The following ROBO1 variants were observed in gnomAD, a reference collection of about 807,000 sequenced individuals.
ROBO1 encodes the protein roundabout guidance receptor 1.
A neutral mutation model predicts 195.9 loss-of-function variants in ROBO1; 149 were observed. That is an observed-to-expected ratio of 0.76 (90% CI 0.67 to 0.87). The LOEUF (loss-of-function observed/expected upper bound fraction) is 0.87. ROBO1 is among the 40% of genes least tolerant of loss of function. The probability of loss-of-function intolerance (pLI) is 0.00; values close to 1 mark genes in which losing one functional copy is unlikely to be tolerated. For synonymous variants in ROBO1, 816 were observed against 733.2 expected, an observed-to-expected ratio of 1.11 and a Z score of -1.82; for missense variants, 1,933 against 2,068.3, an observed-to-expected ratio of 0.93 and a Z score of 1.27.
intron 4 of ROBO1, among the ~76,000 whole-genome samples, chr3:78,903,777 C>A (rs2037729372): frequency 6.6e-6 from 1 of 152,092 alleles, no homozygotes; most frequent in African/African-American, 2.4e-5. Flanking sequence ...CAATTCCATT[C>A]TTTTCTATAT....
chr3:79,663,285 G>A (rs755349734), intron 1 of ROBO1, among the ~76,000 whole-genome samples: 1 of 151,824 alleles, frequency 6.6e-6, no homozygotes. Flanking sequence ...ACAAAAAAAT[G>A]CAATGGTATA....
Position 78,614,680 on chromosome 3 carries a change from G to T in ROBO1, c.4403C>A (p.Pro1468Gln). 1 of 1,613,714 alleles carries T rather than the reference G, an allele frequency of 6.2e-7. No homozygotes were observed. The highest frequency in any genetic ancestry group is 1.1e-5 in the South Asian group (1 of 91,068). ...GTAGGTTTCTCTGCGCAGATGTCCT[G>T]GCTGGTGTTTCAGTTTCTTGGCTGG... ...TRPAKKLKHQPGHLRRETYTD... is the reference protein window; with the variant it reads ...TRPAKKLKHQQGHLRRETYTD... Residue 1468 changes from proline (P) to glutamine (Q), a missense_variant, in exon 28 of 31, where the codon CCA becomes CAA. By Grantham distance (76) the Pro-to-Gln change is moderately conservative. Transcript: ENST00000464233.
intron 4 of ROBO1, among the ~76,000 whole-genome samples, chr3:78,791,287 T>C (rs376700649): frequency 7.2e-5 from 11 of 152,282 alleles, no homozygotes; most frequent in South Asian, 2.1e-4. Context: ...TCTAAGATCC[T>C]CCTCTCTCCT....
intron 3 of ROBO1, among the ~76,000 whole-genome samples, chr3:78,971,484 C>T (rs2076765159): frequency 6.6e-6 from 1 of 152,048 alleles, no homozygotes; most frequent in Non-Finnish European, 1.5e-5. Flanking sequence ...CAGACTATAA[C>T]CTAAAAAAAT....
At chr3:78,782,663 C>A (rs940942154) in intron 4 of ROBO1, among the ~76,000 whole-genome samples, 13 of 152,132 alleles carry the variant, frequency 8.5e-5, no homozygotes, top group African/African-American at 3.1e-4. Context: ...TCTATAAACA[C>A]CACTGTTTTT....
intron 8 of ROBO1, among the ~76,000 whole-genome samples, chr3:78,694,379 G>A (rs2081241367): frequency 6.6e-6 from 1 of 152,098 alleles, no homozygotes; most frequent in Non-Finnish European, 1.5e-5. Flanking sequence ...TTAAATAAAT[G>A]CTAAAGAATG....
intron 2 of ROBO1, among the ~76,000 whole-genome samples, chr3:79,394,900 AAC>A (rs1037766300): frequency 2.0e-5 from 3 of 152,126 alleles, no homozygotes; most frequent in African/African-American, 4.8e-5. Context: ...TTATTAGGGT[AAC>A]ACACATAAAA....
chr3:79,203,495 C>T (rs1228722662), intron 2 of ROBO1, among the ~76,000 whole-genome samples: 1 of 152,132 alleles, frequency 6.6e-6, no homozygotes, highest in African/African-American at 2.4e-5. Flanking sequence ...TTTATGGAGT[C>T]AAGTGGGTTG....
At chr3:78,964,235 T>C (rs912486728) in intron 3 of ROBO1, among the ~76,000 whole-genome samples, 1 of 152,162 alleles carries the variant, frequency 6.6e-6, no homozygotes, top group Non-Finnish European at 1.5e-5. Context: ...TCACCTTATC[T>C]CTAGCATTTG....
At chr3:79,520,172 A>AAG (rs573671859) in intron 2 of ROBO1, among the ~76,000 whole-genome samples, 32 of 149,394 alleles carry the variant, frequency 2.1e-4, no homozygotes, top group African/African-American at 6.3e-4. Context: ...AAAAAAAAAA[A>AAG]AGAGAGAGAG....
In ROBO1 at chr3:78,669,659, T is replaced by C. The variant is rs148269074; in HGVS notation, c.1548+437A>G. ...TGTGTACATTGCTTTATGGCTTTTGTTTGCATGTATAGTTTTGCCATTGCA... is the reference window on the plus strand; with the variant it reads ...TGTGTACATTGCTTTATGGCTTTTGCTTGCATGTATAGTTTTGCCATTGCA... On this transcript the variant is annotated intron_variant, in intron 11 of 30. Coordinates refer to ENST00000464233, the MANE Select transcript of ROBO1 (RefSeq NM_002941.4). Among the ~76,000 whole-genome samples the C allele has an allele frequency of 4.7e-3, 713 of 152,324 alleles. 9 individuals are homozygous for C. Among genetic ancestry groups the C allele is most frequent in the African/African-American group, 0.015 (625 of 41,566 alleles).
intron 2 of ROBO1, among the ~76,000 whole-genome samples, chr3:79,298,753 T>C (rs1221324079): frequency 6.6e-6 from 1 of 152,132 alleles, no homozygotes; most frequent in Non-Finnish European, 1.5e-5. Flanking sequence ...TGTAAACAGA[T>C]ACTCAATTAT....
intron 1 of ROBO1, among the ~76,000 whole-genome samples, chr3:79,732,084 T>C (rs990606916): frequency 6.6e-6 from 1 of 152,070 alleles, no homozygotes; most frequent in African/African-American, 2.4e-5. Context: ...CCTCTAGGTT[T>C]GTGTATACAA....
chr3:78,970,376 T>C (rs1576489162), intron 3 of ROBO1, among the ~76,000 whole-genome samples: 1 of 152,124 alleles, frequency 6.6e-6, no homozygotes, highest in East Asian at 1.9e-4. Context: ...AATTTCTGAT[T>C]TAGAATAATA....
chr3:78,797,670 T>C (rs1576184113), intron 4 of ROBO1, among the ~76,000 whole-genome samples: 1 of 152,218 alleles, frequency 6.6e-6, no homozygotes, highest in African/African-American at 2.4e-5. Context: ...GGTGTGGTAC[T>C]GATGACAACA....
chr3:79,043,928 C>T lies in ROBO1; in HGVS notation c.172+81528G>A, dbSNP rs953209033. 3.9e-5 allele frequency among the ~76,000 whole-genome samples: 6 copies of T among 151,960 alleles called. No homozygotes were observed. In the South Asian group the frequency reaches 6.2e-4, roughly 16 times the overall value. On this transcript the variant is annotated intron_variant, in intron 3 of 30. Coordinates refer to ENST00000464233, the MANE Select transcript of ROBO1 (RefSeq NM_002941.4). ...ATACATCTTGCTGTGGAATTCTGCA[C>T]GATAATTCACCTACAAAACTTGCTC...
At chr3:78,777,893 G>A (rs747870775) in intron 4 of ROBO1, among the ~76,000 whole-genome samples, 1 of 152,154 alleles carries the variant, frequency 6.6e-6, no homozygotes, top group Non-Finnish European at 1.5e-5. Context: ...TGGTGAGAGA[G>A]GGCATCCTTG....
intron 2 of ROBO1, among the ~76,000 whole-genome samples, chr3:79,336,964 T>C (rs764652610): frequency 6.6e-6 from 1 of 152,242 alleles, no homozygotes; most frequent in Non-Finnish European, 1.5e-5. Flanking sequence ...TAAAGTTTAA[T>C]GACTGCCCCA....
chr3:79,521,755 C>G (rs763754523), intron 2 of ROBO1, among the ~76,000 whole-genome samples: 1 of 152,050 alleles, frequency 6.6e-6, no homozygotes, highest in Non-Finnish European at 1.5e-5. Context: ...ACACACACTT[C>G]CTGCATTGTG....
Sources: allele counts gnomAD v4.1 joint callset (sites outside exome capture counted in the v4.1 genomes callset), GRCh38; gene constraint gnomAD v4.1.1; transcripts MANE v1.5; gene names NCBI Gene and HGNC (gene_info 2026-07-23, HGNC 2026-07-21).